Variants in NEK4 observed in about 807,000 individuals in gnomAD.
NEK4 encodes serine/threonine-protein kinase Nek4.
Under a neutral mutation model 98.4 loss-of-function variants are expected in NEK4, and 86 were observed. The ratio of observed to expected loss-of-function variants is 0.87; its 90% confidence interval spans 0.73 to 1.05. The LOEUF (loss-of-function observed/expected upper bound fraction) is 1.05, where lower values mean the gene tolerates loss of function less well. NEK4 is among the 50% of genes least tolerant of loss of function. The pLI, the probability that NEK4 is intolerant of heterozygous loss-of-function variation, is 0.00. For synonymous variants in NEK4, 328 were observed against 342.2 expected (o/e 0.96, Z 0.46); for missense variants, 898 against 950.3 (o/e 0.94, Z 0.72).
chr3:52,766,086 A>G (rs1698546562), intron 3 of NEK4, 92 bp from the exon 4 acceptor site: 1 of 1,450,422 alleles, frequency 6.9e-7, no homozygotes, highest in Admixed American at 1.9e-5. Context: ...CCTTAAACCA[A>G]TTCATAGATA....
intron 11 of NEK4, 141 bp from the exon 12 acceptor site, chr3:52,743,602 C>A: frequency 1.6e-6 from 1 of 635,454 alleles, no homozygotes; most frequent in South Asian, 1.9e-5. Context: ...TCTCTGGTGT[C>A]TGACACCTCA....
At chr3:52,729,095 T>C (rs896403461) in intron 15 of NEK4, among the ~76,000 whole-genome samples, 2 of 152,190 alleles carry the variant, frequency 1.3e-5, no homozygotes, top group African/African-American at 2.4e-5. Context: ...CATGTGATAT[T>C]TGTTCTGCCT....
intron 15 of NEK4, among the ~76,000 whole-genome samples, chr3:52,725,282 C>T (rs1448913846): frequency 1.3e-5 from 2 of 152,042 alleles, no homozygotes; most frequent in African/African-American, 4.8e-5. Flanking sequence ...GAGGCTGAGG[C>T]GGGTGGATCA....
At chr3:52,729,266 C>T (rs1553915440) in intron 15 of NEK4, among the ~76,000 whole-genome samples, 1 of 152,078 alleles carries the variant, frequency 6.6e-6, no homozygotes, top group Non-Finnish European at 1.5e-5. Context: ...TACAAAAATT[C>T]CTCTCTTTGT....
In NEK4 at chr3:52,759,653, T is replaced by C. The variant is rs535811003; in HGVS notation, c.963+1142A>G. On this transcript the variant is annotated intron_variant, in intron 6 of 15. Coordinates refer to ENST00000233027, the MANE Select transcript of NEK4 (RefSeq NM_003157.6). The stretch of plus-strand genomic sequence containing the variant: ...TGGGAATGTCAAATGGTGCAGCCAC[T>C]GTAGAAAACAGTGCAACAGTTCCTC... Among the ~76,000 whole-genome samples the C allele has an allele frequency of 3.3e-5, 5 of 152,238 alleles. No homozygotes were observed. In the South Asian group the frequency reaches 1.0e-3, roughly 32 times the overall value.
In NEK4 at chr3:52,708,788, T is replaced by C. The variant is rs909300138; in HGVS notation, c.*2989A>G. 6.6e-6 allele frequency: 1 copy of C among 151,964 alleles called. No homozygotes were observed. The highest frequency in any genetic ancestry group is 6.6e-5 in the Admixed American group (1 of 15,258). 9.4% of individuals were successfully genotyped at this position (151,964 alleles called of 1,614,324 possible). A position where few individuals can be genotyped will look rare whatever the true frequency, so the allele number is the denominator to read the frequency against. On this transcript the variant is annotated 3_prime_UTR_variant, in exon 16 of 16. Coordinates refer to ENST00000233027, the MANE Select transcript of NEK4 (RefSeq NM_003157.6). Reference sequence around the variant, plus strand: ...AGCAGTAAAGGTTGTGCAGGTGATATTCAGTAACACTGCAGTGTAGCCAGA... The same window carrying C: ...AGCAGTAAAGGTTGTGCAGGTGATACTCAGTAACACTGCAGTGTAGCCAGA...
intron 3 of NEK4, 37 bp downstream of exon 3, chr3:52,766,141 G>A: frequency 6.3e-7 from 1 of 1,575,896 alleles, no homozygotes. Context: ...CACTCTCCCA[G>A]AGACAAGGTA....
intron 15 of NEK4, among the ~76,000 whole-genome samples, chr3:52,713,147 G>A (rs2097352020): frequency 6.6e-6 from 1 of 152,176 alleles, no homozygotes. Flanking sequence ...GACATTCAAT[G>A]TATGCTTGTG....
At chr3:52,764,255 C>A (rs1252070281) in intron 4 of NEK4, among the ~76,000 whole-genome samples, 2 of 151,094 alleles carry the variant, frequency 1.3e-5, no homozygotes, top group Non-Finnish European at 1.5e-5. Context: ...CCACAGCACT[C>A]CAGCCTGGCA....
intron 12 of NEK4, among the ~76,000 whole-genome samples, chr3:52,741,946 A>C (rs1045933457): frequency 2.0e-5 from 3 of 151,888 alleles, no homozygotes; most frequent in African/African-American, 7.3e-5. Flanking sequence ...CGCCCAGCTA[A>C]TTTTTGTATT....
chr3:52,740,431 T>C (rs1043537508), intron 13 of NEK4, among the ~76,000 whole-genome samples: 17 of 151,874 alleles, frequency 1.1e-4, no homozygotes, highest in Admixed American at 2.6e-4. Context: ...ATTAACAGAT[T>C]AGACACTGCA....
intron 15 of NEK4, among the ~76,000 whole-genome samples, chr3:52,729,121 A>G (rs1422864020): frequency 6.6e-6 from 1 of 152,134 alleles, no homozygotes; most frequent in East Asian, 1.9e-4. Flanking sequence ...CCTTTGAAGC[A>G]TGTGATCTTT....
chr3:52,762,446 TA>T (rs927173590), intron 5 of NEK4, among the ~76,000 whole-genome samples: 9 of 151,758 alleles, frequency 5.9e-5, no homozygotes, highest in African/African-American at 1.9e-4. Flanking sequence ...ATATGTCCTT[TA>T]AAAAAAAATT....
rs2097348166 is a variant in NEK4, at chr3:52,709,446, C to A, written c.*2331G>T. On this transcript the variant is annotated 3_prime_UTR_variant, in exon 16 of 16. Coordinates refer to ENST00000233027, the MANE Select transcript of NEK4 (RefSeq NM_003157.6). ...GGGAAGTCAGGTGTGGTGGTTCATG[C>A]CTATAATCCCAGCACTTTCAGAGGC... The A allele has an allele frequency of 6.6e-6, 1 of 151,670 alleles. No homozygotes were observed. The highest frequency in any genetic ancestry group is 6.6e-5 in the Admixed American group (1 of 15,218). 9.4% of individuals were successfully genotyped at this position (151,670 alleles called of 1,614,324 possible). A position where few individuals can be genotyped will look rare whatever the true frequency, so the allele number is the denominator to read the frequency against.
intron 15 of NEK4, among the ~76,000 whole-genome samples, chr3:52,724,208 G>C (rs1375127210): frequency 1.4e-5 from 2 of 139,546 alleles, no homozygotes; most frequent in Non-Finnish European, 3.1e-5. Flanking sequence ...ACTCCACCCT[G>C]GGGACAGTGA....
chr3:52,745,783 C>T (rs916798444), intron 10 of NEK4, among the ~76,000 whole-genome samples: 6 of 152,110 alleles, frequency 3.9e-5, no homozygotes, highest in African/African-American at 1.4e-4. Flanking sequence ...AGTACAGTGG[C>T]ATGATCTCGG....
intron 6 of NEK4, among the ~76,000 whole-genome samples, chr3:52,753,266 C>T (rs1013754101): frequency 2.0e-5 from 3 of 152,160 alleles, no homozygotes; most frequent in African/African-American, 7.2e-5. Context: ...CACACCACTG[C>T]ACTCCAGCCT....
intron 4 of NEK4, among the ~76,000 whole-genome samples, chr3:52,764,296 A>C (rs908592567): frequency 4.0e-5 from 6 of 151,576 alleles, no homozygotes; most frequent in African/African-American, 1.2e-4. Flanking sequence ...AAAAAAAAAA[A>C]AAAAGAAAGA....
At chr3:52,724,815 GTCC>G (rs2097363064) in intron 15 of NEK4, among the ~76,000 whole-genome samples, 2 of 152,096 alleles carry the variant, frequency 1.3e-5, no homozygotes, top group African/African-American at 4.8e-5. Context: ...AATTTCAAAT[GTCC>G]TCATCACAAG....
Sources: gnomAD v4.1 joint callset for allele counts (sites outside exome capture counted in the v4.1 genomes callset) on GRCh38, gnomAD v4.1.1 for gene constraint, MANE v1.5 for transcripts, NCBI Gene and HGNC (gene_info 2026-07-23, HGNC 2026-07-21) for gene names.